Variants in TENM2 observed in about 807,000 individuals in gnomAD.
The protein encoded by TENM2 is teneurin transmembrane protein 2.
In TENM2, 52 loss-of-function variants were observed where a neutral mutation model predicts 245.2. The ratio of observed to expected loss-of-function variants is 0.21; its 90% CI spans 0.17 to 0.27. The LOEUF (loss-of-function observed/expected upper bound fraction) is 0.27, where lower values mean the gene tolerates loss of function less well. Among genes scored for constraint, TENM2 ranks in the 10% least tolerant of loss-of-function variants. The pLI is 1.00. For synonymous variants in TENM2, 1,363 were observed against 1,438.9 expected (o/e 0.95, Z 1.19); for missense variants, 3,046 against 3,666.8 (o/e 0.83, Z 4.37).
chr5:167,851,738 A>C (rs1412314971), intron 2 of TENM2, among the ~76,000 whole-genome samples: 2 of 152,210 alleles, frequency 1.3e-5, no homozygotes, highest in African/African-American at 4.8e-5. Context: ...AGATTCCCGC[A>C]GCTCTCTTGT....
chr5:167,545,142 G>T (rs190149138), intron 2 of TENM2, among the ~76,000 whole-genome samples: 1 of 152,156 alleles, frequency 6.6e-6, no homozygotes, highest in Non-Finnish European at 1.5e-5. Flanking sequence ...TTGAACTGAG[G>T]ATTGGTGGTT....
At chr5:167,682,172 T>A (rs892029804) in intron 2 of TENM2, among the ~76,000 whole-genome samples, 2 of 143,680 alleles carry the variant, frequency 1.4e-5, no homozygotes, top group South Asian at 4.9e-4. Context: ...CTTCCTCCCT[T>A]CCTTCTTTTT....
intron 2 of TENM2, among the ~76,000 whole-genome samples, chr5:167,459,198 A>G (rs1766128031): frequency 1.3e-5 from 2 of 152,144 alleles, no homozygotes; most frequent in Non-Finnish European, 1.5e-5. Context: ...TTTTGTTTCT[A>G]TGAATTTAAC....
intron 2 of TENM2, chr5:167,755,260 G>A (rs1382890915): frequency 8.1e-7 from 1 of 1,232,034 alleles, no homozygotes; most frequent in Non-Finnish European, 1.2e-6. Context: ...AGGGTAGTTG[G>A]AGTATTTACT....
At chr5:167,329,758 G>A (rs1276635691) in intron 1 of TENM2, among the ~76,000 whole-genome samples, 2 of 151,788 alleles carry the variant, frequency 1.3e-5, no homozygotes, top group African/African-American at 4.9e-5. Flanking sequence ...AATAGAAATA[G>A]AAAGAAGAGG....
At chr5:167,720,096 TAAAAAC>T (rs1039203263) in intron 2 of TENM2, among the ~76,000 whole-genome samples, 10 of 152,150 alleles carry the variant, frequency 6.6e-5, no homozygotes, top group Non-Finnish European at 8.8e-5. Context: ...TCTGAGTACT[TAAAAAC>T]AAAAAGCATT....
the TENM2 span, among the ~76,000 whole-genome samples, chr5:167,273,746 C>T: frequency 6.6e-6 from 1 of 151,958 alleles, no homozygotes. Flanking sequence ...ATAAAGAAGC[C>T]TCGCTATACA....
chr5:167,474,775 C>G (rs1767259280), intron 2 of TENM2, among the ~76,000 whole-genome samples: 1 of 152,170 alleles, frequency 6.6e-6, no homozygotes, highest in African/African-American at 2.4e-5. Context: ...CTCAGCCTCC[C>G]AAAGTTCTGG....
intron 4 of TENM2, among the ~76,000 whole-genome samples, chr5:167,973,392 C>G (rs1400961252): frequency 6.6e-6 from 1 of 152,216 alleles, no homozygotes; most frequent in African/African-American, 2.4e-5. Flanking sequence ...CAGCTTAATT[C>G]AGCCAACATT....
At chr5:167,373,709 G>GT (rs1760577993) in intron 1 of TENM2, among the ~76,000 whole-genome samples, 1 of 152,228 alleles carries the variant, frequency 6.6e-6, no homozygotes, top group African/African-American at 2.4e-5. Context: ...AGCAGCACAA[G>GT]TTGGGAGTCT....
At chr5:167,865,565 T>A (rs1772243249) in intron 2 of TENM2, among the ~76,000 whole-genome samples, 1 of 152,158 alleles carries the variant, frequency 6.6e-6, no homozygotes, top group African/African-American at 2.4e-5. Context: ...TGAGCCAGCA[T>A]GCCCAGCCTG....
chr5:167,889,503 AT>A (rs1271324547), intron 3 of TENM2, among the ~76,000 whole-genome samples: 4 of 151,998 alleles, frequency 2.6e-5, no homozygotes, highest in Non-Finnish European at 4.4e-5. Flanking sequence ...TTTCATCTCA[AT>A]GACCTTTTGC....
At chr5:167,083,591 T>C in the TENM2 span, among the ~76,000 whole-genome samples, 1 of 152,176 alleles carries the variant, frequency 6.6e-6, no homozygotes, top group Non-Finnish European at 1.5e-5. Flanking sequence ...GCAGAAGTGC[T>C]TGGGAGACCT....
intron 1 of TENM2, among the ~76,000 whole-genome samples, chr5:167,299,809 T>C (rs1755197070): frequency 6.6e-6 from 1 of 152,048 alleles, no homozygotes; most frequent in South Asian, 2.1e-4. Flanking sequence ...GGAGGCTGGA[T>C]TGAAGTCCGG....
the TENM2 span, among the ~76,000 whole-genome samples, chr5:167,062,196 TTC>T: frequency 6.6e-6 from 1 of 152,182 alleles, no homozygotes; most frequent in African/African-American, 2.4e-5. Context: ...CTCAAGTGTT[TTC>T]TCTTTGAGAG....
chr5:167,331,022 G>A (rs1184582831), intron 1 of TENM2, among the ~76,000 whole-genome samples: 1 of 152,016 alleles, frequency 6.6e-6, no homozygotes, highest in African/African-American at 2.4e-5. Flanking sequence ...CAGAACATGA[G>A]GTCAGGAGTT....
intron 2 of TENM2, among the ~76,000 whole-genome samples, chr5:167,546,517 TAA>T (rs1385180403): frequency 6.6e-6 from 1 of 152,188 alleles, no homozygotes; most frequent in African/African-American, 2.4e-5. Context: ...TGACTAACGC[TAA>T]GTCTTTGCTC....
intron 1 of TENM2, among the ~76,000 whole-genome samples, chr5:167,319,113 T>C (rs1460248673): frequency 6.6e-6 from 1 of 152,216 alleles, no homozygotes; most frequent in African/African-American, 2.4e-5. Context: ...TAATGACCAA[T>C]CAGTGAAAGG....
chr5:167,847,554 C>G (rs916720765), intron 2 of TENM2, among the ~76,000 whole-genome samples: 9 of 152,214 alleles, frequency 5.9e-5, no homozygotes, highest in African/African-American at 2.2e-4. Flanking sequence ...ACACACAAGA[C>G]CCTGTCTGTC....
Sources: gnomAD v4.1 joint callset for allele counts (sites outside exome capture counted in the v4.1 genomes callset) on GRCh38, gnomAD v4.1.1 for gene constraint, MANE v1.5 for transcripts, NCBI Gene and HGNC (gene_info 2026-07-23, HGNC 2026-07-21) for gene names.